LRP1B: variants seen among roughly 807,000 people sequenced by gnomAD.
LRP1B encodes LDL receptor related protein 1B.
A neutral mutation model predicts 556.6 loss-of-function variants in LRP1B; 217 were observed. The ratio of observed to expected loss-of-function variants is 0.39; its 90% CI spans 0.35 to 0.44. LRP1B has a LOEUF of 0.44. Among genes scored for constraint, LRP1B ranks in the 20% least tolerant of loss-of-function variants. LRP1B has a pLI of 1.00. For synonymous variants in LRP1B, 2,047 were observed against 1,865.8 expected, an observed-to-expected ratio of 1.10 and a Z score of -2.50; for missense variants, 5,053 against 5,620.8, an observed-to-expected ratio of 0.90 and a Z score of 3.23.
Position 140,795,595 on chromosome 2 carries a change from A to G in LRP1B, c.5359+18062T>C, listed in dbSNP as rs541610217. Among the ~76,000 whole-genome samples the G allele has an allele frequency of 7.2e-5, 11 of 152,270 alleles. No individual in the cohort carries two copies. The South Asian group carries it at 2.1e-3, about 29-fold the overall frequency. On this transcript the variant is annotated intron_variant, in intron 32 of 90. Transcript: ENST00000389484. ...ATACTGATTATGAAAAGAGAGAAAAACAAGTCTAAACACAATGATATTCAG... is the reference window on the plus strand; with the variant it reads ...ATACTGATTATGAAAAGAGAGAAAAGCAAGTCTAAACACAATGATATTCAG...
At chr2:141,167,046 T>C (rs890097098) in intron 7 of LRP1B, among the ~76,000 whole-genome samples, 34 of 152,046 alleles carry the variant, frequency 2.2e-4, no homozygotes, top group African/African-American at 7.2e-4. Flanking sequence ...AGGAAACTGG[T>C]TGTTACTTAT....
chr2:141,467,466 A>G (rs1682276103), intron 3 of LRP1B, among the ~76,000 whole-genome samples: 1 of 152,110 alleles, frequency 6.6e-6, no homozygotes, highest in Non-Finnish European at 1.5e-5. Context: ...AGCATTGACC[A>G]TGTAACTAAA....
chr2:140,620,862 T>C, intron 41 of LRP1B, among the ~76,000 whole-genome samples: 1 of 152,134 alleles, frequency 6.6e-6, no homozygotes, highest in Non-Finnish European at 1.5e-5. Context: ...ACAATTATCC[T>C]GAACTCTAAA....
chr2:141,996,722 C>CA lies in LRP1B; in HGVS notation c.82+133925_82+133926insT, dbSNP rs546618827. Among the ~76,000 whole-genome samples, 426 of 149,864 alleles carry CA rather than the reference C, an allele frequency of 2.8e-3. 2 individuals carry two copies. The highest frequency in any genetic ancestry group is 9.8e-3 in the African/African-American group (396 of 40,512). On this transcript the variant is annotated intron_variant, in intron 1 of 90. Coordinates refer to ENST00000389484, the MANE Select transcript of LRP1B (RefSeq NM_018557.3). ...ATTTAAATTTTTTCTTTCCCCCCCC[C>CA]TACAAACTAGTGACACAAAGTAAGA...
At chr2:141,688,273 G>A (rs1163200140) in intron 2 of LRP1B, among the ~76,000 whole-genome samples, 1 of 151,562 alleles carries the variant, frequency 6.6e-6, no homozygotes, top group Non-Finnish European at 1.5e-5. Context: ...TTCTCTTCAT[G>A]TGTTTACGTT....
At chr2:141,501,363 G>T (rs939206822) in intron 2 of LRP1B, among the ~76,000 whole-genome samples, 1 of 152,022 alleles carries the variant, frequency 6.6e-6, no homozygotes, top group African/African-American at 2.4e-5. Context: ...GAGAATTAAA[G>T]TTCAAAAACA....
chr2:141,701,524 A>G (rs572072011), intron 2 of LRP1B, among the ~76,000 whole-genome samples: 1 of 151,928 alleles, frequency 6.6e-6, no homozygotes, highest in Admixed American at 6.6e-5. Context: ...TGACGCCATT[A>G]CTTATAATCT....
intron 41 of LRP1B, among the ~76,000 whole-genome samples, chr2:140,688,214 GA>G (rs146880774): frequency 1.8e-4 from 27 of 150,852 alleles, no homozygotes; most frequent in Non-Finnish European, 3.3e-4. Context: ...ACACTTGTGA[GA>G]AAAAAAAATC....
chr2:140,526,257 G>T lies in LRP1B; in HGVS notation c.7856C>A (p.Ala2619Asp). ...RCNQNIDCAD[A>D]SDEKNCNNTD... Reference sequence around the variant, plus strand: ...CTTACTGCAGTTCTTTTCATCTGAAGCATCTGCACAATCTATGTTCTGGTT... The same window carrying T: ...CTTACTGCAGTTCTTTTCATCTGAATCATCTGCACAATCTATGTTCTGGTT... Residue 2619 changes from alanine (A) to aspartate (D), a missense_variant, in exon 48 of 91, where the codon GCT (alanine) becomes GAT (aspartate). Around this residue, in one of 5 missense-constraint regions of LRP1B, gnomAD observed 3,619 missense variants for 3,931.9 expected, o/e 0.92. Coordinates refer to ENST00000389484, the MANE Select transcript of LRP1B (RefSeq NM_018557.3). 6.2e-7 allele frequency: 1 copy of T among 1,611,422 alleles called. No homozygotes were observed. Among genetic ancestry groups the T allele is most frequent in the African/African-American group, 1.3e-5 (1 of 74,856 alleles).
intron 2 of LRP1B, among the ~76,000 whole-genome samples, chr2:141,544,125 T>C (rs1282808484): frequency 6.6e-6 from 1 of 152,116 alleles, no homozygotes; most frequent in East Asian, 1.9e-4. Context: ...ATATTATCAG[T>C]GCAGTTGTTG....
intron 84 of LRP1B, among the ~76,000 whole-genome samples, chr2:140,278,036 A>AC (rs1682756898): frequency 6.7e-6 from 1 of 150,338 alleles, no homozygotes; most frequent in Non-Finnish European, 1.5e-5. Context: ...CACATATACA[A>AC]ACACACACAC....
chr2:141,439,820 A>T (rs1267531768), intron 3 of LRP1B, among the ~76,000 whole-genome samples: 2 of 152,166 alleles, frequency 1.3e-5, no homozygotes, highest in Non-Finnish European at 2.9e-5. Flanking sequence ...ATGTTTTTTT[A>T]AAAAGAAAGT....
chr2:140,839,955 A>T (rs138943863), intron 31 of LRP1B, 36 bp downstream of exon 31: 1 of 1,287,792 alleles, frequency 7.8e-7, no homozygotes, highest in Non-Finnish European at 1.1e-6. Flanking sequence ...GGTTTGTCAC[A>T]TTGAAAACTT....
At chr2:140,823,720 A>G (rs1307696742) in intron 31 of LRP1B, among the ~76,000 whole-genome samples, 2 of 151,742 alleles carry the variant, frequency 1.3e-5, no homozygotes, top group East Asian at 3.8e-4. Context: ...GTTTAAATAT[A>G]GTTTATATAT....
At chr2:141,143,687 A>G (rs959484936) in intron 7 of LRP1B, among the ~76,000 whole-genome samples, 1 of 152,082 alleles carries the variant, frequency 6.6e-6, no homozygotes, top group East Asian at 1.9e-4. Flanking sequence ...GCCTTTTCTC[A>G]CTTGATACAC....
At chr2:142,117,491 C>T (rs746104827) in intron 1 of LRP1B, among the ~76,000 whole-genome samples, 2 of 152,012 alleles carry the variant, frequency 1.3e-5, no homozygotes, top group Admixed American at 6.6e-5. Flanking sequence ...CCCAGTCCAG[C>T]CTTCTACTGA....
intron 3 of LRP1B, among the ~76,000 whole-genome samples, chr2:141,381,820 T>C (rs1434518623): frequency 6.6e-6 from 1 of 152,120 alleles, no homozygotes; most frequent in African/African-American, 2.4e-5. Context: ...AAAAGGAGCT[T>C]AGACATCAGG....
At chr2:140,631,924 T>C (rs953035394) in intron 41 of LRP1B, among the ~76,000 whole-genome samples, 1 of 152,150 alleles carries the variant, frequency 6.6e-6, no homozygotes, top group African/African-American at 2.4e-5. Flanking sequence ...ATTCCTCACC[T>C]ATAGAAGAAC....
intron 3 of LRP1B, 180 bp downstream of exon 3, chr2:141,480,216 T>TC (rs1682868910): frequency 1.5e-6 from 1 of 670,102 alleles, no homozygotes; most frequent in East Asian, 2.9e-5. Flanking sequence ...GTTTTTTTGC[T>TC]CAAACATAAT....
Sources: gnomAD v4.1 joint callset for allele counts (sites outside exome capture counted in the v4.1 genomes callset) on GRCh38, gnomAD v4.1.1 for gene constraint, gnomAD v4.1.1 regional missense constraint, MANE v1.5 for transcripts, NCBI Gene and HGNC (gene_info 2026-07-23, HGNC 2026-07-21) for gene names.